Variants in PRPF6 observed in about 807,000 individuals in gnomAD.
PRPF6 encodes the protein pre-mRNA-processing factor 6.
PRPF6 carries 42 observed loss-of-function variants against 118.3 expected under a neutral mutation model. The ratio of observed to expected loss-of-function variants is 0.35; its 90% CI spans 0.28 to 0.46. The LOEUF is 0.46. Among genes scored for constraint, PRPF6 ranks in the 20% least tolerant of loss-of-function variants. The pLI, the probability that PRPF6 is intolerant of heterozygous loss-of-function variation, is 1.00. For missense variants in PRPF6, 662 were observed against 1,255.7 expected (o/e 0.53, Z 7.15); for synonymous variants, 481 against 485.1 (o/e 0.99, Z 0.11).
At chr20:64,004,474 G>T (rs1011896610) in intron 9 of PRPF6, among the ~76,000 whole-genome samples, 2 of 152,216 alleles carry the variant, frequency 1.3e-5, no homozygotes, top group Non-Finnish European at 2.9e-5. Context: ...TTGAAATTAA[G>T]ATGACAGCTA....
chr20:64,017,701 T>G (rs892450573), intron 12 of PRPF6, among the ~76,000 whole-genome samples: 1 of 152,230 alleles, frequency 6.6e-6, no homozygotes, highest in Non-Finnish European at 1.5e-5. Context: ...GCTTTCTTAC[T>G]CTGTTCGCTC....
chr20:63,986,397 C>T (rs2059093432), intron 3 of PRPF6, among the ~76,000 whole-genome samples: 1 of 151,218 alleles, frequency 6.6e-6, no homozygotes, highest in South Asian at 2.1e-4. Flanking sequence ...GCATTTTGCC[C>T]AGGGGATACA....
chr20:64,003,191 C>T (rs920543597), intron 9 of PRPF6, among the ~76,000 whole-genome samples: 1 of 152,212 alleles, frequency 6.6e-6, no homozygotes, highest in African/African-American at 2.4e-5. Context: ...ATCCTCCTGC[C>T]TTGATCTCCC....
intron 6 of PRPF6, among the ~76,000 whole-genome samples, chr20:63,997,213 G>A (rs541892239): frequency 2.2e-4 from 34 of 151,984 alleles, no homozygotes; most frequent in African/African-American, 8.0e-4. Flanking sequence ...TTATATGACT[G>A]GAATCATACA....
chr20:63,985,243 C>T (rs2059088192), intron 3 of PRPF6, among the ~76,000 whole-genome samples: 1 of 151,752 alleles, frequency 6.6e-6, no homozygotes, highest in Admixed American at 6.6e-5. Flanking sequence ...CCTGTAGTCC[C>T]AGCTACTTGG....
chr20:63,987,274 A>T (rs1217439608), intron 3 of PRPF6, among the ~76,000 whole-genome samples: 1 of 151,466 alleles, frequency 6.6e-6, no homozygotes. Context: ...TGGGAGGCCC[A>T]GGCAGGCAGA....
chr20:64,005,802 A>G, intron 9 of PRPF6, among the ~76,000 whole-genome samples: 1 of 151,898 alleles, frequency 6.6e-6, no homozygotes, highest in African/African-American at 2.4e-5. Flanking sequence ...TGGCATGATC[A>G]TGGGTCACTG....
chr20:63,981,333 C>T lies in PRPF6; in HGVS notation c.71+17C>T, dbSNP rs1226205316. 2.5e-5 allele frequency: 39 copies of T among 1,568,650 alleles called. No individual in the cohort carries two copies. Among genetic ancestry groups the T allele is most frequent in the Non-Finnish European group, 3.2e-5 (37 of 1,156,654 alleles). On this transcript the variant is annotated intron_variant, in intron 1 of 20. Coordinates refer to ENST00000266079, the MANE Select transcript of PRPF6 (RefSeq NM_012469.4). ...GGGCCGGGGGTGAGGCCTGGGGCGGCGCGCGAGGGGCGGGGACCCGGCTAC... is the reference window on the plus strand; with the variant it reads ...GGGCCGGGGGTGAGGCCTGGGGCGGTGCGCGAGGGGCGGGGACCCGGCTAC...
chr20:63,981,413 C>CT, intron 1 of PRPF6, 97 bp downstream of exon 1: 1 of 1,189,334 alleles, frequency 8.4e-7, no homozygotes, highest in Non-Finnish European at 1.2e-6. Flanking sequence ...GCCGCGCAGT[C>CT]TGAAAGACGC....
intron 11 of PRPF6, among the ~76,000 whole-genome samples, chr20:64,014,414 C>T (rs758660738): frequency 2.0e-5 from 3 of 151,030 alleles, no homozygotes; most frequent in Non-Finnish European, 2.9e-5. Context: ...CAGCACATTG[C>T]GGGGCTGAGG....
chr20:64,014,213 T>C (rs1332720829), intron 11 of PRPF6, among the ~76,000 whole-genome samples: 1 of 152,160 alleles, frequency 6.6e-6, no homozygotes, highest in African/African-American at 2.4e-5. Flanking sequence ...GTGCTGGGAT[T>C]ACAAGCGTGA....
chr20:63,981,433 C>G, intron 1 of PRPF6, 117 bp downstream of exon 1: 2 of 1,007,726 alleles, frequency 2.0e-6, no homozygotes, highest in Admixed American at 2.5e-5. Flanking sequence ...CTTGGTGGAT[C>G]GGCTTAATCC....
chr20:63,993,734 T>G (rs1327406689), intron 4 of PRPF6, among the ~76,000 whole-genome samples: 3 of 152,064 alleles, frequency 2.0e-5, no homozygotes. Context: ...CATTTATACC[T>G]AAGATTTTCT....
rs150071028 is a variant in PRPF6, at chr20:63,983,167, G to A, written c.192G>A (p.Gln64=). The stretch of plus-strand genomic sequence containing the variant: ...TTGGGGACCAGATGAAGAAAAATCA[G>A]GCTGCTGACGATGACGACGAGGATC... ...RTVGDQMKKN[Q]AADDDDEDLN... The change falls in exon 2 of 21, where the codon CAG becomes CAA. Residue 64 remains glutamine (Q), a synonymous_variant. Transcript: ENST00000266079. 9.7e-5 allele frequency: 157 copies of A among 1,614,094 alleles called. No individual in the cohort carries two copies. Among genetic ancestry groups the A allele is most frequent in the Non-Finnish European group, 1.3e-4 (148 of 1,180,052 alleles).
At chr20:63,993,225 A>AGTGTGT (rs574743022) in intron 3 of PRPF6, among the ~76,000 whole-genome samples, 182 bp from the exon 4 acceptor site, 1 of 102,902 alleles carries the variant, frequency 9.7e-6, no homozygotes, top group Admixed American at 1.1e-4. Context: ...CAAAAAAAAA[A>AGTGTGT]ATGTGTGTGT....
chr20:63,987,955 G>C (rs1039918705), intron 3 of PRPF6, among the ~76,000 whole-genome samples: 3 of 152,184 alleles, frequency 2.0e-5, no homozygotes, highest in African/African-American at 7.2e-5. Flanking sequence ...GGCCGAGGCA[G>C]GTGGATGACT....
intron 1 of PRPF6, among the ~76,000 whole-genome samples, chr20:63,982,760 G>T (rs1445976554): frequency 6.6e-6 from 1 of 152,210 alleles, no homozygotes; most frequent in Non-Finnish European, 1.5e-5. Flanking sequence ...GAAGAGCTCA[G>T]TGTGGGCCAA....
chr20:64,015,193 C>T (rs1161502823), intron 11 of PRPF6, among the ~76,000 whole-genome samples: 1 of 152,188 alleles, frequency 6.6e-6, no homozygotes, highest in Admixed American at 6.5e-5. Flanking sequence ...TTGACTTTTG[C>T]CGTGGTTCAA....
intron 7 of PRPF6, 47 bp downstream of exon 7, chr20:63,999,186 C>T (rs1404287623): frequency 1.3e-6 from 2 of 1,529,190 alleles, no homozygotes; most frequent in Non-Finnish European, 1.8e-6. Context: ...ACTCTAGTTG[C>T]CTAGGGTATT....
Sources: gnomAD v4.1 joint callset for allele counts (sites outside exome capture counted in the v4.1 genomes callset) on GRCh38, gnomAD v4.1.1 for gene constraint, MANE v1.5 for transcripts, NCBI Gene and HGNC (gene_info 2026-07-23, HGNC 2026-07-21) for gene names.